The following SLC24A2 variants were observed in gnomAD, a reference collection of about 807,000 sequenced individuals.
SLC24A2 encodes sodium/potassium/calcium exchanger 2.
A neutral mutation model predicts 62.0 loss-of-function variants in SLC24A2; 36 were observed. That is an observed-to-expected ratio of 0.58 (90% confidence interval 0.44 to 0.77). The LOEUF is 0.77. SLC24A2 is among the 30% of genes least tolerant of loss of function. The pLI is 0.00. For synonymous variants in SLC24A2, 358 were observed against 294.0 expected, an observed-to-expected ratio of 1.22 and a Z score of -2.23; for missense variants, 846 against 817.9, an observed-to-expected ratio of 1.03 and a Z score of -0.42.
chr9:19,889,529 C>T, the SLC24A2 span, among the ~76,000 whole-genome samples: 29 of 152,320 alleles, frequency 1.9e-4, no homozygotes, highest in South Asian at 5.8e-3. Context: ...CCTGAGAACG[C>T]TTCTTCCCCT....
At position 19,701,690 on chromosome 9, in the gene SLC24A2, G is replaced by A. The variant is rs142838960; in HGVS notation, c.931-79391C>T. 1.1e-3 allele frequency among the ~76,000 whole-genome samples: 169 copies of A among 152,244 alleles called. 2 individuals are homozygous for A. The highest frequency in any genetic ancestry group is 3.8e-3 in the African/African-American group (159 of 41,554). Reference sequence around the variant, plus strand: ...CTGGCACAAGTAGACCCAAACTGTGGTCAGCTTATTCTTTGAAGGAGCCTT... The same window carrying A: ...CTGGCACAAGTAGACCCAAACTGTGATCAGCTTATTCTTTGAAGGAGCCTT... On this transcript the variant is annotated intron_variant, in intron 2 of 10. Coordinates refer to ENST00000341998, the MANE Select transcript of SLC24A2 (RefSeq NM_020344.4).
the SLC24A2 span, among the ~76,000 whole-genome samples, chr9:20,214,750 A>G: frequency 2.6e-5 from 4 of 152,238 alleles, no homozygotes; most frequent in Non-Finnish European, 4.4e-5. Context: ...TCCAAGCACT[A>G]CAAGTACAGG....
At chr9:20,145,561 T>A in the SLC24A2 span, among the ~76,000 whole-genome samples, 1 of 151,652 alleles carries the variant, frequency 6.6e-6, no homozygotes, top group Non-Finnish European at 1.5e-5. Context: ...GTTCTTTTTT[T>A]TAAAAAAAAG....
the SLC24A2 span, among the ~76,000 whole-genome samples, chr9:19,831,085 G>T: frequency 6.6e-6 from 1 of 152,196 alleles, no homozygotes; most frequent in Admixed American, 6.5e-5. Context: ...CCTTTTATAA[G>T]GGTACTAATC....
At chr9:20,265,864 G>C in the SLC24A2 span, among the ~76,000 whole-genome samples, 1 of 152,156 alleles carries the variant, frequency 6.6e-6, no homozygotes, top group Non-Finnish European at 1.5e-5. Context: ...GTCCCTGAGG[G>C]TGGGCCTCTA....
intron 7 of SLC24A2, among the ~76,000 whole-genome samples, chr9:19,563,576 A>G (rs1835504620): frequency 6.6e-6 from 1 of 152,172 alleles, no homozygotes; most frequent in African/African-American, 2.4e-5. Context: ...TTTTTTGACC[A>G]ACATTTATTA....
chr9:20,227,929 C>T, the SLC24A2 span, among the ~76,000 whole-genome samples: 1 of 152,138 alleles, frequency 6.6e-6, no homozygotes, highest in Admixed American at 6.6e-5. Context: ...ATAAAAACAA[C>T]CTGTTTCAGT....
At chr9:20,296,762 T>C in the SLC24A2 span, among the ~76,000 whole-genome samples, 2 of 152,340 alleles carry the variant, frequency 1.3e-5, no homozygotes, top group South Asian at 4.1e-4. Context: ...TGTACAGAAT[T>C]GCCAATCATA....
chr9:19,517,418 C>G (rs1832985051), intron 10 of SLC24A2, among the ~76,000 whole-genome samples: 2 of 152,190 alleles, frequency 1.3e-5, no homozygotes, highest in African/African-American at 4.8e-5. Context: ...TGAAACATTA[C>G]ATTCTTCAAA....
chr9:19,941,590 T>TGTGAGAGA, the SLC24A2 span, among the ~76,000 whole-genome samples: 146 of 127,980 alleles, frequency 1.1e-3, no homozygotes, highest in South Asian at 4.4e-3. Flanking sequence ...TGTGTGTGTG[T>TGTGAGAGA]GAGAGAGAGA....
the SLC24A2 span, among the ~76,000 whole-genome samples, chr9:20,151,204 C>T: frequency 6.6e-6 from 1 of 152,064 alleles, no homozygotes; most frequent in South Asian, 2.1e-4. Context: ...GGGCCTTCCC[C>T]TCTTCCCAAT....
chr9:20,031,351 T>TTATATATA, the SLC24A2 span, among the ~76,000 whole-genome samples: 21 of 141,640 alleles, frequency 1.5e-4, no homozygotes, highest in South Asian at 6.6e-4. Flanking sequence ...TACACACACT[T>TTATATATA]TATATATATA....
chr9:20,019,415 A>T, the SLC24A2 span, among the ~76,000 whole-genome samples: 6 of 152,326 alleles, frequency 3.9e-5, no homozygotes, highest in South Asian at 2.1e-4. Context: ...CAGTTTTCCC[A>T]GCCCCATTTA....
chr9:19,862,350 AC>A, the SLC24A2 span, among the ~76,000 whole-genome samples: 1 of 152,158 alleles, frequency 6.6e-6, no homozygotes, highest in South Asian at 2.1e-4. Context: ...TGGAGAAATT[AC>A]CCTTCAAAAA....
At chr9:19,603,701 A>C (rs1363406513) in intron 4 of SLC24A2, among the ~76,000 whole-genome samples, 1 of 151,992 alleles carries the variant, frequency 6.6e-6, no homozygotes, top group Non-Finnish European at 1.5e-5. Flanking sequence ...TATCTTTCTT[A>C]CCACCTGTCT....
At position 19,516,171 on chromosome 9, in the gene SLC24A2, T is replaced by C. The variant is rs749944054; in HGVS notation, c.1968A>G (p.Thr656=). The part of the protein sequence containing the change: ...VSVLLEDRIL[T]CPVSI ...TTTCCTGCTAGATGGAGACGGGGCA[T>C]GTAAGAATTCTGTCTTCTAGGAGAA... is the stretch of plus-strand genomic sequence containing the variant. The change falls in exon 11 of 11, where the codon ACA becomes ACG. Residue 656 remains threonine (T), a synonymous_variant. Coordinates refer to ENST00000341998, the MANE Select transcript of SLC24A2 (RefSeq NM_020344.4). 2 of 1,614,068 alleles carry C rather than the reference T, an allele frequency of 1.2e-6. No homozygotes were observed. The highest frequency in any genetic ancestry group is 1.1e-5 in the South Asian group (1 of 91,058).
At position 19,520,886 on chromosome 9, in the gene SLC24A2, C is replaced by G. The variant is rs746791662; in HGVS notation, c.1736+8G>C. On this transcript the variant is annotated splice_region_variant and intron_variant, in intron 10 of 10. Transcript: ENST00000341998. ...GGTGCACACCTTTGTAGAACTACCT[C>G]TACTCACCCTACAGTGATGTCAAAA... is the stretch of plus-strand genomic sequence containing the variant. The G allele has an allele frequency of 6.2e-7, 1 of 1,613,598 alleles. No homozygotes were observed.
chr9:19,744,517 G>C (rs1245877006), intron 2 of SLC24A2, among the ~76,000 whole-genome samples: 2 of 152,082 alleles, frequency 1.3e-5, no homozygotes, highest in Admixed American at 1.3e-4. Flanking sequence ...ACCAGACAGG[G>C]GTTGTTTAAC....
intron 7 of SLC24A2, among the ~76,000 whole-genome samples, chr9:19,564,537 T>C (rs1586969330): frequency 1.4e-5 from 1 of 73,906 alleles, no homozygotes. Context: ...CCTATCTCTC[T>C]CTGTATCTAT....
Sources: gnomAD v4.1 joint callset for allele counts (sites outside exome capture counted in the v4.1 genomes callset) on GRCh38, gnomAD v4.1.1 for gene constraint, MANE v1.5 for transcripts, NCBI Gene and HGNC (gene_info 2026-07-23, HGNC 2026-07-21) for gene names.